The following TMEM132B variants were observed in gnomAD, a reference collection of about 807,000 sequenced individuals.
TMEM132B encodes transmembrane protein 132B.
In TMEM132B, 18 loss-of-function variants were observed where a neutral mutation model predicts 90.8. The ratio of observed to expected loss-of-function variants is 0.20; its 90% CI spans 0.14 to 0.29. The LOEUF (loss-of-function observed/expected upper bound fraction) is 0.29. Ranked by LOEUF, TMEM132B falls within the 10% of genes least tolerant of loss-of-function variation. TMEM132B has a pLI of 1.00. For synonymous variants in TMEM132B, 504 were observed against 523.3 expected (o/e 0.96, Z 0.50); for missense variants, 1,096 against 1,326.8 (o/e 0.83, Z 2.70).
intron 1 of TMEM132B, among the ~76,000 whole-genome samples, chr12:125,328,323 G>C (rs1236718819): frequency 1.3e-5 from 2 of 152,188 alleles, no homozygotes; most frequent in Non-Finnish European, 2.9e-5. Context: ...GCTGCAGCAG[G>C]GTTCTGTGTT....
chr12:125,489,211 A>G (rs1330991870), intron 3 of TMEM132B, among the ~76,000 whole-genome samples: 2 of 152,344 alleles, frequency 1.3e-5, no homozygotes, highest in African/African-American at 4.8e-5. Flanking sequence ...GAATTAAGAT[A>G]GTTAGAGACT....
intron 3 of TMEM132B, among the ~76,000 whole-genome samples, chr12:125,514,464 C>T (rs1030609712): frequency 2.0e-5 from 3 of 152,164 alleles, no homozygotes; most frequent in African/African-American, 7.2e-5. Flanking sequence ...GTAATCATCA[C>T]TCAGTAGTTT....
At chr12:125,436,071 C>T (rs1037088627) in intron 3 of TMEM132B, among the ~76,000 whole-genome samples, 1 of 152,054 alleles carries the variant, frequency 6.6e-6, no homozygotes, top group African/African-American at 2.4e-5. Flanking sequence ...ATCTGGTGGG[C>T]GTTGCGGTCT....
At position 125,658,204 on chromosome 12, in the gene TMEM132B, G is replaced by A. The variant is rs1424848471; in HGVS notation, c.*3494G>A. On this transcript the variant is annotated 3_prime_UTR_variant, in exon 9 of 9. Transcript: ENST00000682704. ...TTCTATTTATAAAGTCATGCAGGGG[G>A]AAAGTTGATTAATTTTTGTCCCATT... 1 of 152,342 alleles carries A rather than the reference G, an allele frequency of 6.6e-6. No individual in the cohort carries two copies. The highest frequency in any genetic ancestry group is 1.9e-4 in the East Asian group (1 of 5,186). The allele number at this position is 152,342 out of a possible 1,614,324, so 9.4% of individuals were successfully genotyped here.
At chr12:125,436,243 G>A (rs1338661370) in intron 3 of TMEM132B, among the ~76,000 whole-genome samples, 1 of 152,190 alleles carries the variant, frequency 6.6e-6, no homozygotes, top group East Asian at 1.9e-4. Flanking sequence ...CCTAATGGCT[G>A]CACCACAGGT....
At chr12:125,409,464 G>T (rs546618028) in intron 2 of TMEM132B, among the ~76,000 whole-genome samples, 1 of 152,204 alleles carries the variant, frequency 6.6e-6, no homozygotes, top group South Asian at 2.1e-4. Context: ...ATTGAGGGGG[G>T]GCAACACTCC....
At chr12:125,505,186 A>AAAC (rs1882812221) in intron 3 of TMEM132B, among the ~76,000 whole-genome samples, 5 of 147,704 alleles carry the variant, frequency 3.4e-5, no homozygotes, top group Non-Finnish European at 7.4e-5. Context: ...AAAAAAAAAA[A>AAAC]AAAAAAAAAC....
At chr12:125,520,180 GT>G (rs1170368059) in intron 4 of TMEM132B, among the ~76,000 whole-genome samples, 1 of 152,192 alleles carries the variant, frequency 6.6e-6, no homozygotes, top group Non-Finnish European at 1.5e-5. Context: ...CCTGGGCTTG[GT>G]TGAAGTTACG....
intron 5 of TMEM132B, among the ~76,000 whole-genome samples, chr12:125,596,270 G>T (rs1180050296): frequency 1.3e-5 from 2 of 152,154 alleles, no homozygotes; most frequent in African/African-American, 2.4e-5. Context: ...TGTCTCAGCT[G>T]AAAACAATGG....
Position 125,655,883 on chromosome 12 carries a change from AACTC to A in TMEM132B, c.*1175_*1178del, listed in dbSNP as rs1262236869. 1 of 152,220 alleles carries A rather than the reference AACTC, an allele frequency of 6.6e-6. No homozygotes were observed. The highest frequency in any genetic ancestry group is 1.5e-5 in the Non-Finnish European group (1 of 68,044). 9.4% of individuals were successfully genotyped at this position (152,220 alleles called of 1,614,324 possible). Reference sequence around the variant, plus strand: ...ATGACCAAAATAAATAAATAAATAAAACTCAATCATGACTTTGGCAGAGATAAAA... The same window carrying A: ...ATGACCAAAATAAATAAATAAATAAAAATCATGACTTTGGCAGAGATAAAA... On this transcript the variant is annotated 3_prime_UTR_variant, in exon 9 of 9. Transcript: ENST00000682704.
At chr12:125,318,112 A>C (rs1205200520) in intron 1 of TMEM132B, among the ~76,000 whole-genome samples, 4 of 152,198 alleles carry the variant, frequency 2.6e-5, no homozygotes, top group African/African-American at 4.8e-5. Context: ...CATAGAGTAC[A>C]ATGCTATTTA....
intron 5 of TMEM132B, among the ~76,000 whole-genome samples, chr12:125,628,862 C>T (rs1271629264): frequency 3.9e-5 from 6 of 152,148 alleles, no homozygotes; most frequent in Non-Finnish European, 7.4e-5. Context: ...CATTTCTCTA[C>T]ATATGGATAT....
At chr12:125,358,950 T>C (rs1420022350) in intron 2 of TMEM132B, among the ~76,000 whole-genome samples, 1 of 152,246 alleles carries the variant, frequency 6.6e-6, no homozygotes. Context: ...GAATCTTGGC[T>C]CTTCCTGATC....
intron 1 of TMEM132B, among the ~76,000 whole-genome samples, chr12:125,309,713 A>T (rs12422423): frequency 0.084 from 12,848 of 152,282 alleles, 613 homozygotes; most frequent in Non-Finnish European, 0.1. Flanking sequence ...GTGAGCTGTT[A>T]GAGTGAGGCT....
intron 2 of TMEM132B, among the ~76,000 whole-genome samples, chr12:125,398,236 C>A (rs1367060032): frequency 1.3e-5 from 2 of 152,144 alleles, no homozygotes; most frequent in African/African-American, 2.4e-5. Flanking sequence ...TGCTGACAAT[C>A]CTCTTACCTG....
intron 1 of TMEM132B, among the ~76,000 whole-genome samples, chr12:125,316,843 T>C (rs1042385915): frequency 6.6e-6 from 1 of 152,170 alleles, no homozygotes; most frequent in Non-Finnish European, 1.5e-5. Context: ...GGACTTTTAC[T>C]CTGAGTCAAA....
At chr12:125,502,207 A>G (rs1882718411) in intron 3 of TMEM132B, among the ~76,000 whole-genome samples, 2 of 152,182 alleles carry the variant, frequency 1.3e-5, no homozygotes, top group South Asian at 4.1e-4. Flanking sequence ...TCCTCCTTTC[A>G]CTACTTTATC....
At chr12:125,200,522 G>T (rs550853473) in intron 1 of TMEM132B, among the ~76,000 whole-genome samples, 11 of 152,304 alleles carry the variant, frequency 7.2e-5, no homozygotes, top group African/African-American at 2.6e-4. Context: ...TGTAGCTAGT[G>T]AATTTCCTCT....
chr12:125,637,236 C>T (rs1422867670), intron 5 of TMEM132B, among the ~76,000 whole-genome samples: 2 of 152,120 alleles, frequency 1.3e-5, no homozygotes, highest in Non-Finnish European at 2.9e-5. Context: ...AGAGAATAAT[C>T]CAGGCTGCTT....
Sources: gnomAD v4.1 joint callset for allele counts (sites outside exome capture counted in the v4.1 genomes callset) on GRCh38, gnomAD v4.1.1 for gene constraint, MANE v1.5 for transcripts, NCBI Gene and HGNC (gene_info 2026-07-23, HGNC 2026-07-21) for gene names.